The following HTR4 variants were observed in gnomAD, a reference collection of about 807,000 sequenced individuals.
The protein encoded by HTR4 is 5-hydroxytryptamine (serotonin) receptor 4, G protein-coupled.
Under a neutral mutation model 36.8 loss-of-function variants are expected in HTR4, and 16 were observed. The ratio of observed to expected loss-of-function variants is 0.43; its 90% confidence interval spans 0.29 to 0.66. The LOEUF (loss-of-function observed/expected upper bound fraction) is 0.66. HTR4 is among the 30% of genes least tolerant of loss of function. The probability of loss-of-function intolerance (pLI) is 0.13; values close to 1 mark genes in which losing one functional copy is unlikely to be tolerated. For synonymous variants in HTR4, 189 were observed against 185.1 expected (o/e 1.02, Z -0.17); for missense variants, 438 against 490.9 (o/e 0.89, Z 1.02).
chr5:148,505,092 T>A (rs1259382743), intron 6 of HTR4, among the ~76,000 whole-genome samples: 1 of 151,346 alleles, frequency 6.6e-6, no homozygotes, highest in African/African-American at 2.4e-5. Flanking sequence ...CATTCCAATA[T>A]CCCTGATGAA....
intron 2 of HTR4, among the ~76,000 whole-genome samples, chr5:148,591,264 C>G (rs1013846566): frequency 6.6e-6 from 1 of 152,028 alleles, no homozygotes; most frequent in African/African-American, 2.4e-5. Flanking sequence ...AGTAACATTA[C>G]GCCTCCATCT....
chr5:148,629,546 G>C (rs997609090), intron 2 of HTR4: 2 of 152,234 alleles, frequency 1.3e-5, no homozygotes, highest in Non-Finnish European at 1.5e-5. Context: ...CAGTGGAACT[G>C]ATAGAGCTGG....
intron 2 of HTR4, among the ~76,000 whole-genome samples, chr5:148,551,043 T>C (rs1759658021): frequency 1.3e-5 from 2 of 152,024 alleles, no homozygotes; most frequent in Non-Finnish European, 2.9e-5. Context: ...TTTTTTTTTT[T>C]CCTCAAAAGC....
At chr5:148,541,924 C>T (rs970994031) in intron 4 of HTR4, among the ~76,000 whole-genome samples, 1 of 152,106 alleles carries the variant, frequency 6.6e-6, no homozygotes, top group Non-Finnish European at 1.5e-5. Context: ...GCCTACCCTG[C>T]TTTGGAGATT....
rs2113716358 is a variant in HTR4, at chr5:148,481,994, G to A, written c.*1209C>T. ...GCAGCATACTGTTGTCTTAGAAACA[G>A]AAAGAAAACTTAAAGGTCCTCTAGT... On this transcript the variant is annotated 3_prime_UTR_variant, in exon 7 of 7. Transcript: ENST00000377888. 3.0e-6 allele frequency: 3 copies of A among 1,006,932 alleles called. No homozygotes were observed. The highest frequency in any genetic ancestry group is 4.5e-5 in the South Asian group (1 of 22,076). The allele number at this position is 1,006,932 out of a possible 1,614,324, so 62.4% of individuals were successfully genotyped here. A position where few individuals can be genotyped will look rare whatever the true frequency, so the allele number is the denominator to read the frequency against.
intron 6 of HTR4, among the ~76,000 whole-genome samples, chr5:148,495,037 A>T (rs1396743469): frequency 6.6e-6 from 1 of 152,116 alleles, no homozygotes; most frequent in African/African-American, 2.4e-5. Context: ...AAGTTCTCAG[A>T]CTTCTCAGGA....
At chr5:148,572,385 AC>A (rs1332797315) in intron 2 of HTR4, among the ~76,000 whole-genome samples, 102 of 152,256 alleles carry the variant, frequency 6.7e-4, no homozygotes, top group Non-Finnish European at 2.9e-4. Context: ...GCCCAAGGTC[AC>A]ATGGCTGGTA....
chr5:148,589,812 A>G (rs2127256712), intron 2 of HTR4, among the ~76,000 whole-genome samples: 1 of 152,294 alleles, frequency 6.6e-6, no homozygotes, highest in South Asian at 2.1e-4. Flanking sequence ...AATCAATCTA[A>G]TTAATATGCC....
chr5:148,492,131 T>C (rs1296954676), intron 6 of HTR4, among the ~76,000 whole-genome samples: 1 of 152,174 alleles, frequency 6.6e-6, no homozygotes, highest in Admixed American at 6.5e-5. Context: ...GCATAATCCC[T>C]TTTTACTGCG....
intron 1 of HTR4, among the ~76,000 whole-genome samples, chr5:148,651,053 C>A (rs968897123): frequency 2.6e-5 from 4 of 152,198 alleles, no homozygotes; most frequent in African/African-American, 9.7e-5. Context: ...CATTACTTTA[C>A]CTCTCTAAGG....
intron 2 of HTR4, among the ~76,000 whole-genome samples, chr5:148,618,137 C>T (rs1463510430): frequency 1.3e-5 from 2 of 152,146 alleles, no homozygotes; most frequent in African/African-American, 4.8e-5. Flanking sequence ...TGATTGTACC[C>T]TTCTGAACCA....
At chr5:148,642,256 G>A (rs759784194) in intron 1 of HTR4, among the ~76,000 whole-genome samples, 3 of 152,142 alleles carry the variant, frequency 2.0e-5, no homozygotes, top group Non-Finnish European at 2.9e-5. Flanking sequence ...AGTGGAGGGG[G>A]AGTCACTGGA....
rs117780541 is a variant in HTR4, at chr5:148,588,019, C to T, written c.27-37757G>A. ...CCTCACCCTGCTACTAGATTTGTAG[C>T]TGGATTTGGGGACCTCTGAAGGAAT... is the stretch of plus-strand genomic sequence containing the variant. On this transcript the variant is annotated intron_variant, in intron 2 of 6. Transcript: ENST00000377888. Among the ~76,000 whole-genome samples, 47 of 152,214 alleles carry T rather than the reference C, an allele frequency of 3.1e-4. No homozygotes were observed. In the East Asian group the frequency reaches 7.9e-3, roughly 26 times the overall value.
chr5:148,509,202 G>T lies in HTR4; in HGVS notation c.1076+254C>A, dbSNP rs181856253. 4.5e-4 allele frequency: 188 copies of T among 420,526 alleles called. 1 individual carries two copies. In the East Asian group the frequency reaches 6.2e-3, roughly 14 times the overall value. The allele number at this position is 420,526 out of a possible 1,614,324, so 26.0% of individuals were successfully genotyped here. A position where few individuals can be genotyped will look rare whatever the true frequency, so the allele number is the denominator to read the frequency against. On this transcript the variant is annotated intron_variant, in intron 6 of 6. Coordinates refer to ENST00000377888, the MANE Select transcript of HTR4 (RefSeq NM_000870.7). ...TAAGTTTTTAAAAAATGAAATTGAG[G>T]TTAATAATGTTTAAACGACCTGCCC...
At chr5:148,594,762 A>G (rs761685916) in intron 2 of HTR4, among the ~76,000 whole-genome samples, 1 of 152,222 alleles carries the variant, frequency 6.6e-6, no homozygotes, top group South Asian at 2.1e-4. Flanking sequence ...TCAATTAGCC[A>G]TGGACAAGGC....
intron 6 of HTR4, among the ~76,000 whole-genome samples, chr5:148,494,878 G>A (rs1285360037): frequency 6.6e-6 from 1 of 152,192 alleles, no homozygotes; most frequent in Non-Finnish European, 1.5e-5. Context: ...GTCATGTGTG[G>A]CTAGTGGTTA....
chr5:148,469,517 T>C (rs1329361924), intron 5 of HTR4, among the ~76,000 whole-genome samples: 1 of 152,188 alleles, frequency 6.6e-6, no homozygotes, highest in Non-Finnish European at 1.5e-5. Flanking sequence ...GCTCTGCTTG[T>C]CGTAGTGGCA....
At chr5:148,637,124 G>A in intron 1 of HTR4, 63 bp from the exon 2 acceptor site, 2 of 1,108,216 alleles carry the variant, frequency 1.8e-6, no homozygotes, top group South Asian at 1.4e-5. Context: ...ACAAGTCCTT[G>A]TTTTAAAAAA....
At chr5:148,502,210 C>T (rs1359589137) in intron 6 of HTR4, among the ~76,000 whole-genome samples, 1 of 152,164 alleles carries the variant, frequency 6.6e-6, no homozygotes, top group African/African-American at 2.4e-5. Context: ...TCAAGTGGGT[C>T]CCTGACCCCC....
Sources: allele counts gnomAD v4.1 joint callset (sites outside exome capture counted in the v4.1 genomes callset), GRCh38; gene constraint gnomAD v4.1.1; transcripts MANE v1.5; gene names NCBI Gene and HGNC (gene_info 2026-07-23, HGNC 2026-07-21).